RFWD3: variants seen among roughly 807,000 people sequenced by gnomAD.
RFWD3 encodes ring finger and WD repeat domain 3.
Under a neutral mutation model 87.7 loss-of-function variants are expected in RFWD3, and 65 were observed. That is an observed-to-expected ratio of 0.74 (90% CI 0.61 to 0.91). RFWD3 has a LOEUF of 0.91. RFWD3 is among the 40% of genes least tolerant of loss of function. The pLI is 0.00. For synonymous variants in RFWD3, 433 were observed against 352.8 expected (o/e 1.23, Z -2.55); for missense variants, 1,078 against 938.5 (o/e 1.15, Z -1.94).
At chr16:74,627,603 G>A (rs1423671067) in intron 11 of RFWD3, among the ~76,000 whole-genome samples, 1 of 152,106 alleles carries the variant, frequency 6.6e-6, no homozygotes, top group Non-Finnish European at 1.5e-5. Context: ...CCTAGTCAGG[G>A]CTCTTCTAGA....
chr16:74,632,602 T>A lies in RFWD3; in HGVS notation c.1498A>T (p.Ile500Phe), dbSNP rs1383840429. ...SQYIPMHGKQ[I>F]RGLAFSSYLR... ...TAACTGCTAAACGCCAGTCCACGGA[T>A]CTGTTTGCCATGCATCGGAATGTAC... The change falls in exon 9 of 13, where the codon ATC (isoleucine) becomes TTC (phenylalanine). Residue 500 changes from isoleucine (I) to phenylalanine (F), a missense_variant. Physicochemically the swap from Ile to Phe is conservative, Grantham distance 21. Transcript: ENST00000361070. 2 of 1,614,072 alleles carry A rather than the reference T, an allele frequency of 1.2e-6. No homozygotes were observed. Among genetic ancestry groups the A allele is most frequent in the Non-Finnish European group, 1.7e-6 (2 of 1,180,012 alleles).
At chr16:74,628,753 C>T in intron 10 of RFWD3, 87 bp from the exon 11 acceptor site, 1 of 1,185,534 alleles carries the variant, frequency 8.4e-7, no homozygotes, top group South Asian at 1.3e-5. Flanking sequence ...CACATTCCCA[C>T]CTCTGCAGAG....
chr16:74,628,897 A>AG (rs1377935773), intron 10 of RFWD3, among the ~76,000 whole-genome samples: 1 of 152,216 alleles, frequency 6.6e-6, no homozygotes, highest in Non-Finnish European at 1.5e-5. Context: ...CTAAAAGAAA[A>AG]GGAAAAAAAG....
chr16:74,637,122 T>TTA (rs1555525966), intron 7 of RFWD3, among the ~76,000 whole-genome samples: 12 of 101,806 alleles, frequency 1.2e-4, no homozygotes, highest in Non-Finnish European at 2.3e-4. Flanking sequence ...TAAAGTCCTT[T>TTA]AAAAAAAAAA....
intron 10 of RFWD3, 62 bp from the exon 11 acceptor site, chr16:74,628,728 C>G: frequency 6.9e-7 from 1 of 1,451,958 alleles, no homozygotes; most frequent in South Asian, 1.1e-5. Flanking sequence ...CCAGACCCCA[C>G]TACCAGACCT....
At chr16:74,632,146 T>C (rs1039865599) in intron 9 of RFWD3, among the ~76,000 whole-genome samples, 12 of 151,080 alleles carry the variant, frequency 7.9e-5, no homozygotes, top group African/African-American at 2.4e-4. Context: ...ATCCCAGCAC[T>C]TCAGGAGGCC....
chr16:74,639,036 CTTT>C (rs564298799), intron 6 of RFWD3, among the ~76,000 whole-genome samples: 56,997 of 131,718 alleles, frequency 0.43, 12,451 homozygotes, highest in African/African-American at 0.56. Flanking sequence ...TGAGCTAAGA[CTTT>C]TTTTTTTTTT....
At chr16:74,642,018 T>C (rs546342289) in intron 6 of RFWD3, among the ~76,000 whole-genome samples, 2 of 146,822 alleles carry the variant, frequency 1.4e-5, no homozygotes, top group African/African-American at 5.1e-5. Context: ...TACAAATACA[T>C]ATATAGCTAA....
intron 1 of RFWD3, 91 bp from the exon 2 acceptor site, chr16:74,661,542 T>C (rs989619781): frequency 3.4e-6 from 4 of 1,177,966 alleles, no homozygotes; most frequent in African/African-American, 3.1e-5. Flanking sequence ...TCTGATTTTA[T>C]GTTTAATATC....
intron 6 of RFWD3, among the ~76,000 whole-genome samples, chr16:74,640,643 T>A (rs1055568121): frequency 1.3e-5 from 2 of 151,174 alleles, no homozygotes; most frequent in Non-Finnish European, 3.0e-5. Context: ...ACCCTGTCTT[T>A]AAAAAAAATT....
intron 1 of RFWD3, among the ~76,000 whole-genome samples, chr16:74,665,454 T>C (rs1447218219): frequency 6.6e-6 from 1 of 152,028 alleles, no homozygotes; most frequent in African/African-American, 2.4e-5. Flanking sequence ...GGCGCATGCC[T>C]GTAATCCCAG....
At chr16:74,626,671 AC>A in intron 11 of RFWD3, 117 bp from the exon 12 acceptor site, 1 of 691,060 alleles carries the variant, frequency 1.4e-6, no homozygotes, top group South Asian at 1.9e-5. Context: ...AATGCATTAA[AC>A]CATCAAGAAC....
In RFWD3 at chr16:74,637,064, C is replaced by G. The variant is rs544084144; in HGVS notation, c.1195-487G>C. On this transcript the variant is annotated intron_variant, in intron 7 of 12. Transcript: ENST00000361070. ...CAACAAGCAAGTGAAATAAGGAGAG[C>G]ACAGAATCATAATATGAGGGTTGAA... Among the ~76,000 whole-genome samples, 14 of 139,254 alleles carry G rather than the reference C, an allele frequency of 1.0e-4. No homozygotes were observed. The South Asian group carries it at 1.8e-3, about 18-fold the overall frequency. 91.4% of individuals were successfully genotyped at this position (139,254 alleles called of 152,430 possible).
chr16:74,660,207 C>T (rs1961312425), intron 2 of RFWD3, among the ~76,000 whole-genome samples: 1 of 152,186 alleles, frequency 6.6e-6, no homozygotes, highest in Admixed American at 6.5e-5. Context: ...TGAACAAAGC[C>T]CTCTCTGAGC....
chr16:74,636,659 A>T, intron 7 of RFWD3, 82 bp from the exon 8 acceptor site: 4 of 1,044,722 alleles, frequency 3.8e-6, no homozygotes, highest in Non-Finnish European at 5.6e-6. Context: ...CTTTTACAGG[A>T]AGATTTTTTA....
rs759809190 is a variant in RFWD3 at position 74,624,115 on chromosome 16, C to A, written c.2182-44G>T. On this transcript the variant is annotated intron_variant, in intron 12 of 12. Transcript: ENST00000361070. ...GGGAAGGGTCAGGAGTCAGTCAGTA[C>A]ACGAAGGGACTTCCATTCTTCATCA... The A allele has an allele frequency of 8.2e-6, 13 of 1,589,442 alleles. No individual in the cohort carries two copies. In the South Asian group the frequency reaches 1.5e-4, roughly 18 times the overall value.
At chr16:74,646,903 T>TCAACAACAACAACAA (rs71376295) in intron 4 of RFWD3, among the ~76,000 whole-genome samples, 3 of 150,242 alleles carry the variant, frequency 2.0e-5, no homozygotes, top group Admixed American at 2.0e-4. Context: ...AAACCCCGTC[T>TCAACAACAACAACAA]CAACAACAAC....
intron 2 of RFWD3, among the ~76,000 whole-genome samples, chr16:74,654,435 T>C (rs1960810360): frequency 6.6e-6 from 1 of 152,232 alleles, no homozygotes; most frequent in South Asian, 2.1e-4. Flanking sequence ...CACACCCATA[T>C]AAGATGGTGA....
At chr16:74,640,086 A>G (rs1959500257) in intron 6 of RFWD3, among the ~76,000 whole-genome samples, 1 of 152,142 alleles carries the variant, frequency 6.6e-6, no homozygotes, top group South Asian at 2.1e-4. Context: ...GGGGCTCTTG[A>G]AATGTATTCC....
Sources: allele counts gnomAD v4.1 joint callset (sites outside exome capture counted in the v4.1 genomes callset), GRCh38; gene constraint gnomAD v4.1.1; transcripts MANE v1.5; gene names NCBI Gene and HGNC (gene_info 2026-07-23, HGNC 2026-07-21).